The following SH3GL1 variants were observed in gnomAD, a reference collection of about 807,000 sequenced individuals.
SH3GL1 encodes endophilin-A2.
SH3GL1 carries 21 observed loss-of-function variants against 48.8 expected under a neutral mutation model. The ratio of observed to expected loss-of-function variants is 0.43; its 90% CI spans 0.30 to 0.62. The LOEUF (loss-of-function observed/expected upper bound fraction) is 0.62. Among genes scored for constraint, SH3GL1 ranks in the 20% least tolerant of loss-of-function variants. The pLI is 0.11. For missense variants in SH3GL1, 454 were observed against 503.0 expected (o/e 0.90, Z 0.93); for synonymous variants, 282 against 217.5 (o/e 1.30, Z -2.61).
chr19:4,376,075 G>A lies in SH3GL1; in HGVS notation c.46-9081C>T, dbSNP rs117889916. Among the ~76,000 whole-genome samples, 3,109 of 152,336 alleles carry A rather than the reference G, an allele frequency of 0.02. 36 individuals carry two copies. Among genetic ancestry groups the A allele is most frequent in the Non-Finnish European group, 0.024 (1,625 of 68,026 alleles). Reference sequence around the variant, plus strand: ...AACTGCGGGGCATGGTGACAGCGGTGAGAGGCTGCAGGTGCACAGATCTCA... The same window carrying A: ...AACTGCGGGGCATGGTGACAGCGGTAAGAGGCTGCAGGTGCACAGATCTCA... On this transcript the variant is annotated intron_variant, in intron 1 of 9. Coordinates refer to ENST00000269886, the MANE Select transcript of SH3GL1 (RefSeq NM_003025.4). This position sits in a 1 kb window ranked among gnomAD's most constrained non-coding sequence, Gnocchi z 4.3.
rs376176578 is a variant in SH3GL1, at chr19:4,363,396, G to A, written c.702C>T (p.Asp234=). Reference sequence around the variant, plus strand: ...TGCGCTTGAGCTTCTCCGCCAGCTCGTCCAGGATCTGCACGGCCTGCCGGT... The same window carrying A: ...TGCGCTTGAGCTTCTCCGCCAGCTCATCCAGGATCTGCACGGCCTGCCGGT... ...DYHRQAVQIL[D]ELAEKLKRRM... is the part of the protein sequence containing the mutation. Residue 234 remains aspartate, a synonymous_variant, in exon 7 of 10, where the codon GAC becomes GAT. Transcript: ENST00000269886. The A allele has an allele frequency of 3.2e-5, 51 of 1,609,948 alleles. No individual in the cohort carries two copies. In the East Asian group the frequency reaches 4.9e-4, roughly 16 times the overall value.
intron 1 of SH3GL1, among the ~76,000 whole-genome samples, chr19:4,393,619 G>A (rs898630486): frequency 8.6e-5 from 13 of 151,630 alleles, no homozygotes; most frequent in African/African-American, 2.4e-4. Context: ...GTGAAACCCC[G>A]TCTCTACTAA....
intron 1 of SH3GL1, among the ~76,000 whole-genome samples, chr19:4,397,540 T>C (rs1053066766): frequency 2.6e-5 from 4 of 152,158 alleles, no homozygotes; most frequent in Admixed American, 1.3e-4. Context: ...TCCAGAGACC[T>C]GTCTATAGCA....
chr19:4,378,903 G>A (rs1973065512), intron 1 of SH3GL1, among the ~76,000 whole-genome samples: 1 of 152,120 alleles, frequency 6.6e-6, no homozygotes, highest in African/African-American at 2.4e-5. Context: ...TTAAGAAGAA[G>A]AAGAAAAGGA....
At chr19:4,391,122 T>G (rs1301844118) in intron 1 of SH3GL1, among the ~76,000 whole-genome samples, 1 of 151,752 alleles carries the variant, frequency 6.6e-6, no homozygotes, top group Non-Finnish European at 1.5e-5. Context: ...GAGGAAAAAA[T>G]GCAACAGACA....
intron 5 of SH3GL1, 36 bp downstream of exon 5, chr19:4,364,052 G>A (rs1568407475): frequency 1.2e-6 from 2 of 1,611,484 alleles, no homozygotes; most frequent in East Asian, 2.2e-5. Context: ...CCGGCAGGGG[G>A]AAGGGACAGG....
intron 1 of SH3GL1, among the ~76,000 whole-genome samples, chr19:4,371,585 C>A (rs1190428418): frequency 6.6e-6 from 1 of 152,102 alleles, no homozygotes; most frequent in Non-Finnish European, 1.5e-5. Context: ...AGAAAGCCAG[C>A]GTGGGGGAGG....
In SH3GL1 at chr19:4,360,449, G is replaced by C. The variant is rs1333084721; in HGVS notation, c.*1151C>G. 4.2e-6 allele frequency: 1 copy of C among 237,352 alleles called. No individual in the cohort carries two copies. Among genetic ancestry groups the C allele is most frequent in the African/African-American group, 2.2e-5 (1 of 45,408 alleles). The allele number at this position is 237,352 out of a possible 1,614,324, so 14.7% of individuals were successfully genotyped here. On this transcript the variant is annotated 3_prime_UTR_variant, in exon 10 of 10. Coordinates refer to ENST00000269886, the MANE Select transcript of SH3GL1 (RefSeq NM_003025.4). ...TTTGCCCTGGACCGTGCCCAAAGCT[G>C]TGTGCTCATCTCTGCGCCCCTCATG...
chr19:4,384,100 T>G (rs1446349895), intron 1 of SH3GL1, among the ~76,000 whole-genome samples: 1 of 152,208 alleles, frequency 6.6e-6, no homozygotes, highest in East Asian at 1.9e-4. Context: ...GGGTGCTAGG[T>G]GCTTTCTGTG....
intron 1 of SH3GL1, among the ~76,000 whole-genome samples, chr19:4,374,559 C>A (rs1329866571): frequency 6.6e-6 from 1 of 152,250 alleles, no homozygotes; most frequent in Non-Finnish European, 1.5e-5. Context: ...TCCACCAGCC[C>A]GAACCTGGCC....
chr19:4,363,822 C>G lies in SH3GL1; in HGVS notation c.522G>C (p.Arg174=). Residue 174 remains arginine, a synonymous_variant, in exon 6 of 10, where the codon CGG becomes CGC. Transcript: ENST00000269886. ...RRLDFDYKKK[R]QGKIPDEELR... is the part of the protein sequence containing the mutation. ...GCTCCTCATCGGGGATCTTGCCCTG[C>G]CGCTTCTTCTTGTAGTCAAAGTCCA... 6 of 1,613,574 alleles carry G rather than the reference C, an allele frequency of 3.7e-6. No individual in the cohort carries two copies. The highest frequency in any genetic ancestry group is 5.1e-6 in the Non-Finnish European group (6 of 1,180,038).
intron 6 of SH3GL1, 39 bp from the exon 7 acceptor site, chr19:4,363,512 C>CA: frequency 6.4e-7 from 1 of 1,574,270 alleles, no homozygotes. Flanking sequence ...CTGCCAGTGC[C>CA]ACTGTCCTGT....
chr19:4,362,165 G>C (rs994777554), intron 9 of SH3GL1, among the ~76,000 whole-genome samples, 164 bp downstream of exon 9: 1 of 152,258 alleles, frequency 6.6e-6, no homozygotes, highest in African/African-American at 2.4e-5. Context: ...CTGAGACCCA[G>C]AGGGGTGGCA....
Position 4,361,554 on chromosome 19 carries a change from G to C in SH3GL1, c.*46C>G, listed in dbSNP as rs765719135. ...TGGAATGCAGGAGACCCAGCAGGGG[G>C]TGCCGGCCAGTGTGGACGGAGGGGC... On this transcript the variant is annotated 3_prime_UTR_variant, in exon 10 of 10. Coordinates refer to ENST00000269886, the MANE Select transcript of SH3GL1 (RefSeq NM_003025.4). 2.1e-6 allele frequency: 3 copies of C among 1,422,448 alleles called. No individual in the cohort carries two copies. Among genetic ancestry groups the C allele is most frequent in the East Asian group, 2.3e-5 (1 of 43,162 alleles). The allele number at this position is 1,422,448 out of a possible 1,614,324, so 88.1% of individuals were successfully genotyped here. A position where few individuals can be genotyped will look rare whatever the true frequency, so the allele number is the denominator to read the frequency against.
At chr19:4,365,413 C>T in intron 4 of SH3GL1, 69 bp downstream of exon 4, 6 of 1,599,336 alleles carry the variant, frequency 3.8e-6, no homozygotes, top group South Asian at 3.3e-5. Flanking sequence ...AGGGCCTGGA[C>T]CTGCCCTGCC....
Position 4,400,508 on chromosome 19 carries a change from G to C in SH3GL1, c.-140C>G. 1.7e-6 allele frequency: 1 copy of C among 577,204 alleles called. No homozygotes were observed. Among genetic ancestry groups the C allele is most frequent in the Non-Finnish European group, 2.2e-6 (1 of 450,356 alleles). 35.8% of individuals were successfully genotyped at this position (577,204 alleles called of 1,614,324 possible). Reference sequence around the variant, plus strand: ...TTGCCAGCTCCGCGCCCGCCCCGGCGCCGCCTCAGCCGCTCGCGCGCCCGC... The same window carrying C: ...TTGCCAGCTCCGCGCCCGCCCCGGCCCCGCCTCAGCCGCTCGCGCGCCCGC... On this transcript the variant is annotated 5_prime_UTR_variant, in exon 1 of 10. Coordinates refer to ENST00000269886, the MANE Select transcript of SH3GL1 (RefSeq NM_003025.4). The surrounding 1 kb of genome is among the most constrained non-coding windows in gnomAD (Gnocchi z 4.1).
chr19:4,374,236 C>T (rs1972960823), intron 1 of SH3GL1, among the ~76,000 whole-genome samples: 1 of 152,230 alleles, frequency 6.6e-6, no homozygotes, highest in African/African-American at 2.4e-5. Flanking sequence ...AAAGAAGTCA[C>T]GCAGACGAAG....
At chr19:4,366,677 A>AC (rs1159522217) in intron 2 of SH3GL1, 104 bp from the exon 3 acceptor site, 7 of 1,064,200 alleles carry the variant, frequency 6.6e-6, no homozygotes, top group South Asian at 1.3e-5. Context: ...CCATACCAGG[A>AC]CCCCCCAACC....
At chr19:4,370,225 C>T (rs1599599120) in intron 1 of SH3GL1, among the ~76,000 whole-genome samples, 1 of 152,216 alleles carries the variant, frequency 6.6e-6, no homozygotes, top group South Asian at 2.1e-4. Context: ...GAGACCCTAC[C>T]GGTGGGGAGG....
Sources: gnomAD v4.1 joint callset for allele counts (sites outside exome capture counted in the v4.1 genomes callset) on GRCh38, gnomAD v4.1.1 for gene constraint, Gnocchi (gnomAD v3.1) non-coding constraint, MANE v1.5 for transcripts, NCBI Gene and HGNC (gene_info 2026-07-23, HGNC 2026-07-21) for gene names.